The following PPFIBP2 variants were observed in gnomAD, a reference collection of about 807,000 sequenced individuals.
PPFIBP2 encodes PPFIB scaffold protein 2.
In PPFIBP2, 118 loss-of-function variants were observed where a neutral mutation model predicts 118.3. That is an observed-to-expected ratio of 1.00 (90% CI 0.86 to 1.16). The LOEUF is 1.16. Ranked by LOEUF, PPFIBP2 falls within the 50% of genes most tolerant of loss-of-function variation. The probability of loss-of-function intolerance (pLI) is 0.00; values close to 1 mark genes in which losing one functional copy is unlikely to be tolerated. For synonymous variants in PPFIBP2, 414 were observed against 397.4 expected (o/e 1.04, Z -0.50); for missense variants, 1,195 against 1,073.1 (o/e 1.11, Z -1.59).
At chr11:7,632,822 C>A (rs1273519055) in intron 11 of PPFIBP2, 45 bp from the exon 12 acceptor site, 1 of 1,512,348 alleles carries the variant, frequency 6.6e-7, no homozygotes, top group Non-Finnish European at 9.2e-7. Context: ...TGGGTGGTCC[C>A]CAAACAGACT....
chr11:7,658,381 G>C (rs1489088631), downstream of PPFIBP2, among the ~76,000 whole-genome samples: 1 of 110,408 alleles, frequency 9.1e-6, no homozygotes, highest in Non-Finnish European at 1.7e-5. Context: ...CCACCTATGA[G>C]TGAGAATATG....
intron 1 of PPFIBP2, among the ~76,000 whole-genome samples, chr11:7,525,218 TA>T (rs1442383068): frequency 1.3e-5 from 2 of 152,042 alleles, no homozygotes; most frequent in Non-Finnish European, 2.9e-5. Context: ...AGTCCTCGAT[TA>T]AAATAGCTCT....
rs1186298488 is a variant in PPFIBP2, at chr11:7,616,640, G to T, written c.619-4295G>T. On this transcript the variant is annotated intron_variant, in intron 6 of 23. Coordinates refer to ENST00000299492, the MANE Select transcript of PPFIBP2 (RefSeq NM_003621.5). This position sits in a 1 kb window ranked among gnomAD's most constrained non-coding sequence, Gnocchi z 5.2. ...TATTGATGCCTGAGTTCAGGGTTTGGGTACATATTGTCATGGATAAGTGTG... is the reference window on the plus strand; with the variant it reads ...TATTGATGCCTGAGTTCAGGGTTTGTGTACATATTGTCATGGATAAGTGTG... 6.6e-6 allele frequency among the ~76,000 whole-genome samples: 1 copy of T among 152,126 alleles called. No individual in the cohort carries two copies. Among genetic ancestry groups the T allele is most frequent in the African/African-American group, 2.4e-5 (1 of 41,424 alleles).
chr11:7,569,414 C>T (rs1469400064), intron 3 of PPFIBP2, among the ~76,000 whole-genome samples: 1 of 152,372 alleles, frequency 6.6e-6, no homozygotes, highest in Admixed American at 6.5e-5. Flanking sequence ...GGAGTCTAAA[C>T]TAGCATCCTG....
chr11:7,665,533 G>T, the PPFIBP2 span: 5 of 1,606,730 alleles, frequency 3.1e-6, no homozygotes, highest in Non-Finnish European at 4.2e-6. Flanking sequence ...CGAAGCCTGA[G>T]CTGTACTTCC....
At chr11:7,522,759 C>T (rs1849874737) in intron 1 of PPFIBP2, among the ~76,000 whole-genome samples, 1 of 152,122 alleles carries the variant, frequency 6.6e-6, no homozygotes, top group Non-Finnish European at 1.5e-5. Context: ...CTCCTTTTTG[C>T]CCTGTGGCCT....
At chr11:7,655,618 G>C, downstream of PPFIBP2, 1 of 831,752 alleles carries the variant, frequency 1.2e-6, no homozygotes. Context: ...GCTTAGTGCT[G>C]GGGTCACAGC....
At chr11:7,632,964 A>C (rs1850971796) in intron 12 of PPFIBP2, 30 bp downstream of exon 12, 2 of 1,598,340 alleles carry the variant, frequency 1.3e-6, no homozygotes, top group Admixed American at 3.3e-5. Context: ...CCCCACAGCC[A>C]CTGTGCTCTC....
chr11:7,649,795 C>A, intron 21 of PPFIBP2, 141 bp downstream of exon 21: 2 of 1,307,252 alleles, frequency 1.5e-6, no homozygotes, highest in Non-Finnish European at 2.1e-6. Context: ...GCTTGTGCTT[C>A]CTGTTGCCCC....
intron 15 of PPFIBP2, 50 bp downstream of exon 15, chr11:7,639,920 C>CT: frequency 6.3e-7 from 1 of 1,575,852 alleles, no homozygotes; most frequent in South Asian, 1.2e-5. Context: ...GTCCTTGGCA[C>CT]TTTCAATGAT....
chr11:7,529,612 C>T (rs1476172393), intron 1 of PPFIBP2, among the ~76,000 whole-genome samples: 3 of 152,328 alleles, frequency 2.0e-5, no homozygotes, highest in Middle Eastern at 3.4e-3. Context: ...CAGCCATGAA[C>T]GTGGTCAAGA....
intron 15 of PPFIBP2, among the ~76,000 whole-genome samples, chr11:7,640,583 C>A (rs1341654478): frequency 6.6e-6 from 1 of 152,228 alleles, no homozygotes; most frequent in Non-Finnish European, 1.5e-5. Flanking sequence ...ATGCATTGGC[C>A]TAGTGAAGGC....
intron 2 of PPFIBP2, among the ~76,000 whole-genome samples, chr11:7,551,338 T>C (rs930348730): frequency 6.6e-6 from 1 of 152,154 alleles, no homozygotes; most frequent in Admixed American, 6.6e-5. Flanking sequence ...TCTTTGATGG[T>C]TGTCAGGGAG....
At chr11:7,524,193 A>C (rs973944096) in intron 1 of PPFIBP2, among the ~76,000 whole-genome samples, 14 of 152,088 alleles carry the variant, frequency 9.2e-5, no homozygotes, top group African/African-American at 3.4e-4. Context: ...AATAGGGACA[A>C]GGGGGACAGA....
chr11:7,567,888 C>T (rs1189733847), intron 3 of PPFIBP2, among the ~76,000 whole-genome samples: 1 of 152,158 alleles, frequency 6.6e-6, no homozygotes, highest in Admixed American at 6.5e-5. Context: ...CCAGGTGACT[C>T]GTAAGCACAT....
the PPFIBP2 span, chr11:7,665,656 A>G: frequency 2.3e-6 from 3 of 1,280,356 alleles, no homozygotes; most frequent in Non-Finnish European, 3.2e-6. Flanking sequence ...AAGCTGCTCT[A>G]CAAAGGCTTA....
At chr11:7,652,838 A>G (rs1854247255) in intron 23 of PPFIBP2, among the ~76,000 whole-genome samples, 186 bp from the exon 24 acceptor site, 1 of 152,068 alleles carries the variant, frequency 6.6e-6, no homozygotes, top group Non-Finnish European at 1.5e-5. Context: ...AAGATTATTT[A>G]CCTATTGGCC....
chr11:7,614,917 T>A (rs1162895138), intron 6 of PPFIBP2, among the ~76,000 whole-genome samples: 1 of 152,164 alleles, frequency 6.6e-6, no homozygotes, highest in South Asian at 2.1e-4. Flanking sequence ...ACAGCAATTA[T>A]AACCTCATAA....
intron 1 of PPFIBP2, among the ~76,000 whole-genome samples, chr11:7,519,134 A>T (rs1450026077): frequency 6.6e-6 from 1 of 152,110 alleles, no homozygotes; most frequent in African/African-American, 2.4e-5. Context: ...AGCTGAGAAG[A>T]TGGCGACTGG....
Sources: allele counts gnomAD v4.1 joint callset (sites outside exome capture counted in the v4.1 genomes callset), GRCh38; gene constraint gnomAD v4.1.1; non-coding constraint Gnocchi (gnomAD v3.1); transcripts MANE v1.5; gene names NCBI Gene and HGNC (gene_info 2026-07-23, HGNC 2026-07-21).